Variants in SH3TC2 observed in about 807,000 individuals in gnomAD.
SH3TC2 encodes the protein SH3 domain and tetratricopeptide repeat-containing protein 2.
A neutral mutation model predicts 124.5 loss-of-function variants in SH3TC2; 87 were observed. That is an observed-to-expected ratio of 0.70 (90% CI 0.59 to 0.84). The LOEUF is 0.84. SH3TC2 is among the 40% of genes least tolerant of loss of function. SH3TC2 has a pLI of 0.00. For missense variants in SH3TC2, 1,536 were observed against 1,566.4 expected, an observed-to-expected ratio of 0.98 and a Z score of 0.33; for synonymous variants, 634 against 628.5, an observed-to-expected ratio of 1.01 and a Z score of -0.13.
chr5:149,033,697 G>A (rs769107842), intron 8 of SH3TC2, among the ~76,000 whole-genome samples: 21 of 152,180 alleles, frequency 1.4e-4, no homozygotes, highest in Admixed American at 6.5e-5. Context: ...CTTCCTACCT[G>A]CCGAGAACAC....
chr5:149,026,778 G>A (rs763990059), intron 11 of SH3TC2, 26 bp from the exon 12 acceptor site: 1 of 1,614,204 alleles, frequency 6.2e-7, no homozygotes, highest in South Asian at 1.1e-5. Flanking sequence ...GGACATGAAT[G>A]AGATGACTTG....
Position 149,030,929 on chromosome 5 carries a change from TC to T in SH3TC2, c.1135+624del, listed in dbSNP as rs1230029360. ...GAGTATCATTCATTCAGTCAGTCAGTCCTTCAGACACTGCTCAAAACCAGTC... is the reference window on the plus strand; with the variant it reads ...GAGTATCATTCATTCAGTCAGTCAGTCTTCAGACACTGCTCAAAACCAGTC... On this transcript the variant is annotated intron_variant, in intron 9 of 16. Transcript: ENST00000515425. Among the ~76,000 whole-genome samples the T allele has an allele frequency of 1.8e-3, 274 of 152,294 alleles. 1 individual carries two copies. Among genetic ancestry groups the T allele is most frequent in the African/African-American group, 6.4e-3 (265 of 41,556 alleles).
intron 1 of SH3TC2, among the ~76,000 whole-genome samples, chr5:149,056,135 G>A (rs980080924): frequency 3.3e-5 from 5 of 151,414 alleles, no homozygotes; most frequent in Admixed American, 6.6e-5. Context: ...TTTAGGTTTC[G>A]GGGTACATGT....
In SH3TC2 at chr5:148,997,574, G is replaced by T. The variant is rs1209156923; in HGVS notation, c.*7137C>A. The stretch of plus-strand genomic sequence containing the variant: ...TCAATTACACCAGAATGATTGTGTT[G>T]ATTTCAGCCCAGTATTTCAGGCTGA... On this transcript the variant is annotated 3_prime_UTR_variant, in exon 17 of 17. Transcript: ENST00000515425. Among the ~76,000 whole-genome samples, 2 of 152,170 alleles carry T rather than the reference G, an allele frequency of 1.3e-5. No homozygotes were observed. The highest frequency in any genetic ancestry group is 2.9e-5 in the Non-Finnish European group (2 of 68,022).
At chr5:149,041,292 C>A in intron 6 of SH3TC2, 124 bp downstream of exon 6, 1 of 971,638 alleles carries the variant, frequency 1.0e-6, no homozygotes. Flanking sequence ...AAGATAAAGA[C>A]CCACCCAGAA....
intron 1 of SH3TC2, among the ~76,000 whole-genome samples, chr5:149,061,601 G>A (rs1754749439): frequency 6.6e-6 from 1 of 152,168 alleles, no homozygotes; most frequent in Non-Finnish European, 1.5e-5. Context: ...CTGAAACACA[G>A]AGAAGTTAAA....
At chr5:149,021,781 A>G (rs1753973857) in intron 12 of SH3TC2, among the ~76,000 whole-genome samples, 2 of 151,942 alleles carry the variant, frequency 1.3e-5, no homozygotes. Flanking sequence ...AAAACAAAAC[A>G]AAAAAACTCC....
chr5:149,015,742 T>C (rs189575357), intron 12 of SH3TC2, among the ~76,000 whole-genome samples: 1 of 152,112 alleles, frequency 6.6e-6, no homozygotes, highest in African/African-American at 2.4e-5. Context: ...GCTTCCCAGG[T>C]CCCTGCCCTG....
At chr5:149,017,328 C>G (rs576596334) in intron 12 of SH3TC2, among the ~76,000 whole-genome samples, 2 of 152,274 alleles carry the variant, frequency 1.3e-5, no homozygotes, top group South Asian at 2.1e-4. Flanking sequence ...CACCTCAAGA[C>G]AGAAGACAAG....
intron 7 of SH3TC2, 25 bp from the exon 8 acceptor site, chr5:149,038,515 G>C: frequency 6.2e-7 from 1 of 1,612,196 alleles, no homozygotes; most frequent in Non-Finnish European, 8.5e-7. Flanking sequence ...ACACAGATCA[G>C]CTACAGAAGA....
Position 149,028,411 on chromosome 5 carries a change from G to A in SH3TC2, c.1321C>T (p.Leu441=). The change falls in exon 11 of 17, where the codon CTG becomes TTG. Residue 441 remains leucine (L), a synonymous_variant. Coordinates refer to ENST00000515425, the MANE Select transcript of SH3TC2 (RefSeq NM_024577.4). ...LLSATSDSYR[L]PEPDDLDDPE... ...TCATCAAGGTCATCAGGCTCCGGCA[G>A]GCGATAGCTGTCTGAGGTGGCCGAG... 1 of 1,613,974 alleles carries A rather than the reference G, an allele frequency of 6.2e-7. No homozygotes were observed. Among genetic ancestry groups the A allele is most frequent in the African/African-American group, 1.3e-5 (1 of 75,030 alleles).
intron 1 of SH3TC2, among the ~76,000 whole-genome samples, chr5:149,060,773 T>G (rs1422383446): frequency 6.6e-6 from 1 of 152,194 alleles, no homozygotes; most frequent in Non-Finnish European, 1.5e-5. Flanking sequence ...CCAGACCTTG[T>G]GCTAAGTCCA....
chr5:149,036,383 G>A (rs568774029), intron 8 of SH3TC2, among the ~76,000 whole-genome samples: 4 of 152,116 alleles, frequency 2.6e-5, no homozygotes, highest in Non-Finnish European at 4.4e-5. Context: ...CGCCTCCCCC[G>A]CAGCTTGTTT....
rs1476893215 is a variant in SH3TC2, at chr5:148,985,767, A to G, written c.*18944T>C. ...CACTTTGTAAGTGTATGTTTAATTT[A>G]TAAGAAACTATCAAAGCATTTTCCA... On this transcript the variant is annotated 3_prime_UTR_variant, in exon 17 of 17. Transcript: ENST00000515425. Among the ~76,000 whole-genome samples the G allele has an allele frequency of 6.6e-6, 1 of 152,218 alleles. No individual in the cohort carries two copies.
intron 13 of SH3TC2, 44 bp downstream of exon 13, chr5:149,012,540 T>G (rs1390329332): frequency 1.2e-6 from 2 of 1,613,084 alleles, no homozygotes; most frequent in African/African-American, 2.7e-5. Flanking sequence ...CCTCCCCAAA[T>G]GATCCAAGTC....
At position 148,986,054 on chromosome 5, in the gene SH3TC2, C is replaced by G. The variant is rs926186595; in HGVS notation, c.*18657G>C. On this transcript the variant is annotated 3_prime_UTR_variant, in exon 17 of 17. Transcript: ENST00000515425. ...CTTGGTGTTTAAAAGGAAATTAGAA[C>G]TCATTAGTTCAACTTCTTTAAGTAA... Among the ~76,000 whole-genome samples, 2 of 152,128 alleles carry G rather than the reference C, an allele frequency of 1.3e-5. No homozygotes were observed. The highest frequency in any genetic ancestry group is 4.8e-5 in the African/African-American group (2 of 41,424).
At chr5:149,018,073 A>G (rs1256620846) in intron 12 of SH3TC2, among the ~76,000 whole-genome samples, 1 of 152,172 alleles carries the variant, frequency 6.6e-6, no homozygotes, top group Non-Finnish European at 1.5e-5. Context: ...CTAGATACAC[A>G]CTGTTTGGAT....
At chr5:149,026,407 C>A (rs1754063045) in intron 12 of SH3TC2, 165 bp downstream of exon 12, 6 of 766,756 alleles carry the variant, frequency 7.8e-6, no homozygotes, top group South Asian at 1.7e-5. Context: ...AAGGCTACAC[C>A]ACTAATAAGT....
chr5:149,015,283 G>T (rs1753852107), intron 12 of SH3TC2, among the ~76,000 whole-genome samples: 1 of 152,164 alleles, frequency 6.6e-6, no homozygotes. Flanking sequence ...AAGTGCTTCT[G>T]TGGTCTAAAA....
Sources: gnomAD v4.1 joint callset for allele counts (sites outside exome capture counted in the v4.1 genomes callset) on GRCh38, gnomAD v4.1.1 for gene constraint, MANE v1.5 for transcripts, NCBI Gene and HGNC (gene_info 2026-07-23, HGNC 2026-07-21) for gene names.